Variants in BEAN1 observed in about 807,000 individuals in gnomAD.
BEAN1 encodes brain expressed associated with NEDD4 1.
BEAN1 carries 17 observed loss-of-function variants against 17.7 expected under a neutral mutation model. The observed-to-expected ratio is 0.96, with a 90% CI of 0.66 to 1.44. The LOEUF is 1.44. Among genes scored for constraint, BEAN1 ranks in the 40% most tolerant of loss-of-function variants. The pLI is 0.00. For synonymous variants in BEAN1, 142 were observed against 151.8 expected (o/e 0.94, Z 0.47); for missense variants, 359 against 374.1 (o/e 0.96, Z 0.33).
chr16:66,470,490 G>A (rs1425230845), intron 3 of BEAN1, among the ~76,000 whole-genome samples: 1 of 152,122 alleles, frequency 6.6e-6, no homozygotes, highest in Non-Finnish European at 1.5e-5. Context: ...GGAGGGTTGA[G>A]TGGAGGAATG....
chr16:66,458,564 C>A (rs1597012198), intron 2 of BEAN1, among the ~76,000 whole-genome samples: 1 of 134,328 alleles, frequency 7.4e-6, no homozygotes, highest in African/African-American at 2.7e-5. Context: ...AGTTCTCCGG[C>A]CCCCACCCCC....
At chr16:66,470,050 G>A in intron 3 of BEAN1, 185 bp downstream of exon 3, 1 of 809,228 alleles carries the variant, frequency 1.2e-6, no homozygotes, top group Non-Finnish European at 1.9e-6. Context: ...GACATGAGAG[G>A]CCCGGATGAC....
intron 2 of BEAN1, among the ~76,000 whole-genome samples, chr16:66,459,053 A>T (rs1170011934): frequency 6.6e-6 from 1 of 152,210 alleles, no homozygotes; most frequent in Non-Finnish European, 1.5e-5. Flanking sequence ...AACTCCCTGC[A>T]GTGTCATTCT....
rs1026012104 is a variant in BEAN1 at position 66,434,364 on chromosome 16, G to A, written c.-82-3231G>A. 1.3e-5 allele frequency among the ~76,000 whole-genome samples: 2 copies of A among 152,156 alleles called. No homozygotes were observed. The highest frequency in any genetic ancestry group is 4.8e-5 in the African/African-American group (2 of 41,434). Reference sequence around the variant, plus strand: ...TGCTTACCTGGAGCCCCCACACCCAGCTCCTTTGTCTTGATGACCCCGACA... The same window carrying A: ...TGCTTACCTGGAGCCCCCACACCCAACTCCTTTGTCTTGATGACCCCGACA... On this transcript the variant is annotated intron_variant, in intron 1 of 4. Transcript: ENST00000536005. The surrounding 1 kb of genome is among the most constrained non-coding windows in gnomAD (Gnocchi z 4.3).
chr16:66,463,993 T>A (rs1018295297), intron 2 of BEAN1, among the ~76,000 whole-genome samples: 1 of 152,248 alleles, frequency 6.6e-6, no homozygotes. Flanking sequence ...TATATGTCTA[T>A]CTCCATGCTA....
intron 1 of BEAN1, among the ~76,000 whole-genome samples, chr16:66,432,936 C>T (rs1354723267): frequency 6.6e-6 from 1 of 152,178 alleles, no homozygotes; most frequent in Non-Finnish European, 1.5e-5. Flanking sequence ...GCAATTCCCA[C>T]CTGCACACAC....
chr16:66,461,569 GAC>G (rs34246549), intron 2 of BEAN1, among the ~76,000 whole-genome samples: 12,289 of 140,782 alleles, frequency 0.087, 983 homozygotes, highest in African/African-American at 0.22. Flanking sequence ...GGCAGGCGCA[GAC>G]ACACACACAC....
chr16:66,459,825 CA>C (rs1963015053), intron 2 of BEAN1, among the ~76,000 whole-genome samples: 1 of 152,196 alleles, frequency 6.6e-6, no homozygotes, highest in South Asian at 2.1e-4. Context: ...CAGCCCATTC[CA>C]GACCAGGACT....
At chr16:66,438,971 A>G (rs1215835898) in intron 2 of BEAN1, among the ~76,000 whole-genome samples, 2 of 151,102 alleles carry the variant, frequency 1.3e-5, no homozygotes, top group African/African-American at 4.9e-5. Context: ...TGCCTCCCCA[A>G]CTCGCCATTG....
intron 2 of BEAN1, among the ~76,000 whole-genome samples, chr16:66,459,761 G>A (rs1052525030): frequency 2.0e-5 from 3 of 152,128 alleles, no homozygotes; most frequent in Non-Finnish European, 4.4e-5. Flanking sequence ...TCCTCAGCAG[G>A]GCCCCAAGAT....
intron 2 of BEAN1, among the ~76,000 whole-genome samples, chr16:66,469,053 G>A (rs933285122): frequency 6.6e-6 from 1 of 152,036 alleles, no homozygotes; most frequent in Non-Finnish European, 1.5e-5. Flanking sequence ...AGATCACCTT[G>A]GCCTTACCTC....
At chr16:66,494,366 A>G (rs1964218391), downstream of BEAN1, among the ~76,000 whole-genome samples, 1 of 152,060 alleles carries the variant, frequency 6.6e-6, no homozygotes, top group South Asian at 2.1e-4. Context: ...CTCCACCTCT[A>G]TGAGCCTCGT....
intron 2 of BEAN1, among the ~76,000 whole-genome samples, chr16:66,450,824 C>T (rs1962645880): frequency 6.6e-6 from 1 of 152,130 alleles, no homozygotes; most frequent in Non-Finnish European, 1.5e-5. Flanking sequence ...CATAGGTGAG[C>T]AGAGGTATCA....
chr16:66,494,222 G>C (rs1450571400), downstream of BEAN1, among the ~76,000 whole-genome samples: 1 of 152,210 alleles, frequency 6.6e-6, no homozygotes, highest in Non-Finnish European at 1.5e-5. Flanking sequence ...CAGCACAGGA[G>C]GAGAAGCAGG....
chr16:66,435,011 T>C (rs1961959233), intron 1 of BEAN1, among the ~76,000 whole-genome samples: 1 of 151,816 alleles, frequency 6.6e-6, no homozygotes, highest in Non-Finnish European at 1.5e-5. Context: ...ACAGCCAGAG[T>C]GATCATTCTG....
chr16:66,477,885 G>C, intron 4 of BEAN1, 175 bp downstream of exon 4: 1 of 641,978 alleles, frequency 1.6e-6, no homozygotes, highest in Non-Finnish European at 2.4e-6. Context: ...GTCCCACTGA[G>C]GCAGTGTGAC....
downstream of BEAN1, chr16:66,484,376 C>T: frequency 2.8e-6 from 1 of 354,980 alleles, no homozygotes; most frequent in Non-Finnish European, 5.5e-6. The surrounding 1 kb of genome is among the most constrained non-coding windows in gnomAD (Gnocchi z 4.2). Flanking sequence ...TCCCACAGGC[C>T]TTTGGGACTG....
At chr16:66,484,441 G>A (rs929460954), downstream of BEAN1, 2 of 374,674 alleles carry the variant, frequency 5.3e-6, no homozygotes, top group Non-Finnish European at 1.1e-5. This position sits in a 1 kb window ranked among gnomAD's most constrained non-coding sequence, Gnocchi z 4.2. Context: ...ATGCTGTGGT[G>A]TGTCACATAT....
intron 1 of BEAN1, among the ~76,000 whole-genome samples, chr16:66,431,110 A>G (rs1267416732): frequency 6.6e-6 from 1 of 152,218 alleles, no homozygotes; most frequent in Non-Finnish European, 1.5e-5. Flanking sequence ...CAAGTAAATT[A>G]AAAAAATTTT....
Sources: gnomAD v4.1 joint callset for allele counts (sites outside exome capture counted in the v4.1 genomes callset) on GRCh38, gnomAD v4.1.1 for gene constraint, Gnocchi (gnomAD v3.1) non-coding constraint, MANE v1.5 for transcripts, NCBI Gene and HGNC (gene_info 2026-07-23, HGNC 2026-07-21) for gene names.